SERPINB5: variants seen among roughly 807,000 people sequenced by gnomAD.
The protein encoded by SERPINB5 is serpin family B member 5, also known as serpin B5.
In SERPINB5, 27 loss-of-function variants were observed where a neutral mutation model predicts 32.2. The observed-to-expected ratio is 0.84, with a 90% CI of 0.62 to 1.16. The LOEUF (loss-of-function observed/expected upper bound fraction) is 1.16. SERPINB5 is among the 50% of genes most tolerant of loss of function. SERPINB5 has a pLI of 0.00. For synonymous variants in SERPINB5, 154 were observed against 157.4 expected (o/e 0.98, Z 0.16); for missense variants, 388 against 436.3 (o/e 0.89, Z 0.99).
intron 1 of SERPINB5, among the ~76,000 whole-genome samples, chr18:63,480,607 T>C (rs1917111929): frequency 2.0e-5 from 3 of 152,230 alleles, no homozygotes; most frequent in Non-Finnish European, 1.5e-5. Flanking sequence ...AGGTCATGTA[T>C]TGTTAACATT....
At chr18:63,499,790 C>G (rs1051802717) in intron 6 of SERPINB5, among the ~76,000 whole-genome samples, 2 of 152,026 alleles carry the variant, frequency 1.3e-5, no homozygotes, top group South Asian at 2.1e-4. Context: ...TGATGTCAAG[C>G]ATCCTCTCTC....
At chr18:63,482,736 A>T (rs1013814454) in intron 1 of SERPINB5, among the ~76,000 whole-genome samples, 1 of 150,528 alleles carries the variant, frequency 6.6e-6, no homozygotes, top group Non-Finnish European at 1.5e-5. Context: ...CTGTTTCTTT[A>T]AAAAAAATGT....
At position 63,476,963 on chromosome 18, in the gene SERPINB5, C is replaced by G. The variant is rs1343923032; in HGVS notation, c.-90C>G. On this transcript the variant is annotated 5_prime_UTR_variant, in exon 1 of 7. Coordinates refer to ENST00000382771, the MANE Select transcript of SERPINB5 (RefSeq NM_002639.5). ...AGCCACCGCTGCTTCTGCCCAGACA[C>G]GGTCGCCTCCACATCCAGGTCTTTG... The G allele has an allele frequency of 2.6e-5, 4 of 152,350 alleles. No individual in the cohort carries two copies. The highest frequency in any genetic ancestry group is 4.4e-5 in the Non-Finnish European group (3 of 68,138). The allele number at this position is 152,350 out of a possible 1,614,324, so 9.4% of individuals were successfully genotyped here.
At chr18:63,489,674 T>C (rs949589191) in intron 4 of SERPINB5, among the ~76,000 whole-genome samples, 5 of 152,240 alleles carry the variant, frequency 3.3e-5, no homozygotes, top group African/African-American at 1.2e-4. Context: ...AAACTGTTGA[T>C]GCTTCAGTGT....
At chr18:63,485,248 A>G (rs2144496074) in intron 2 of SERPINB5, among the ~76,000 whole-genome samples, 1 of 152,340 alleles carries the variant, frequency 6.6e-6, no homozygotes, top group South Asian at 2.1e-4. Flanking sequence ...ATGGTTGATT[A>G]TCTAGCTTTG....
chr18:63,501,409 T>C (rs1909569636), intron 6 of SERPINB5, among the ~76,000 whole-genome samples: 1 of 152,162 alleles, frequency 6.6e-6, no homozygotes, highest in Non-Finnish European at 1.5e-5. Flanking sequence ...TTCCATGGTG[T>C]ATATGGGCCA....
chr18:63,492,357 C>G (rs1472585569), intron 4 of SERPINB5, among the ~76,000 whole-genome samples: 1 of 152,196 alleles, frequency 6.6e-6, no homozygotes, highest in African/African-American at 2.4e-5. Context: ...GCTGAGGAAA[C>G]TAGAACAGCT....
rs1909635401 is a variant in SERPINB5, at chr18:63,504,265, A to G, written c.*543A>G. 1 of 153,336 alleles carries G rather than the reference A, an allele frequency of 6.5e-6. No homozygotes were observed. The highest frequency in any genetic ancestry group is 2.4e-5 in the African/African-American group (1 of 41,452). The allele number at this position is 153,336 out of a possible 1,614,324, so 9.5% of individuals were successfully genotyped here. On this transcript the variant is annotated 3_prime_UTR_variant, in exon 7 of 7. Coordinates refer to ENST00000382771, the MANE Select transcript of SERPINB5 (RefSeq NM_002639.5). ...AGCCCTGGCAGGCAGGTGTTTATTAAAATTCTGAATTTTGGGGATTTTCAA... is the reference window on the plus strand; with the variant it reads ...AGCCCTGGCAGGCAGGTGTTTATTAGAATTCTGAATTTTGGGGATTTTCAA...
At position 63,484,404 on chromosome 18, in the gene SERPINB5, C is replaced by T. The variant is rs779991903; in HGVS notation, c.-7-18C>T. 45 of 1,602,458 alleles carry T rather than the reference C, an allele frequency of 2.8e-5. No individual in the cohort carries two copies. Among genetic ancestry groups the T allele is most frequent in the African/African-American group, 4.0e-5 (3 of 74,530 alleles). The stretch of plus-strand genomic sequence containing the variant: ...AAGATGCTTTAGAAACTAACTGCTC[C>T]CTTGTCCTTGCTTCCAGGCCCGCAA... On this transcript the variant is annotated intron_variant, in intron 1 of 6. Coordinates refer to ENST00000382771, the MANE Select transcript of SERPINB5 (RefSeq NM_002639.5).
chr18:63,484,389 A>G, intron 1 of SERPINB5, 33 bp from the exon 2 acceptor site: 3 of 1,579,354 alleles, frequency 1.9e-6, no homozygotes, highest in Non-Finnish European at 2.6e-6. Context: ...AAGATGCTTT[A>G]GAAACTAACT....
At chr18:63,489,163 A>G (rs546781015) in intron 3 of SERPINB5, among the ~76,000 whole-genome samples, 184 bp from the exon 4 acceptor site, 41 of 152,358 alleles carry the variant, frequency 2.7e-4, no homozygotes, top group African/African-American at 9.1e-4. Context: ...TATAATTGAA[A>G]AAAATGAAAC....
chr18:63,484,746 T>A (rs1297860833), intron 2 of SERPINB5, 150 bp downstream of exon 2: 23 of 469,956 alleles, frequency 4.9e-5, no homozygotes, highest in African/African-American at 3.7e-4. Flanking sequence ...TTAATCTTTT[T>A]TTTTTTTTTT....
chr18:63,488,649 GT>G (rs1227261663), intron 3 of SERPINB5, among the ~76,000 whole-genome samples: 2 of 152,134 alleles, frequency 1.3e-5, no homozygotes, highest in African/African-American at 2.4e-5. Context: ...CACCCAGGTA[GT>G]TCTGATTGAA....
rs748205570 is a variant in SERPINB5, at chr18:63,486,927, C to T, written c.169-19C>T. The stretch of plus-strand genomic sequence containing the variant: ...CTCAGAGGCAATGCTTTTTGGGTAA[C>T]GGATTTTTCTCTTAACAGGTTCTTC... On this transcript the variant is annotated intron_variant, in intron 2 of 6. Transcript: ENST00000382771. 9.9e-6 allele frequency: 16 copies of T among 1,612,356 alleles called. No individual in the cohort carries two copies. Among genetic ancestry groups the T allele is most frequent in the Admixed American group, 8.4e-5 (5 of 59,694 alleles).
chr18:63,501,053 T>C (rs1466920733), intron 6 of SERPINB5, among the ~76,000 whole-genome samples: 1 of 152,184 alleles, frequency 6.6e-6, no homozygotes, highest in African/African-American at 2.4e-5. Context: ...TTTTCTTTTT[T>C]TTAATTATAC....
intron 1 of SERPINB5, among the ~76,000 whole-genome samples, chr18:63,481,359 A>G (rs914223839): frequency 2.0e-5 from 3 of 152,262 alleles, no homozygotes; most frequent in Non-Finnish European, 4.4e-5. Context: ...TTAAGATCTT[A>G]AACACCATCT....
chr18:63,481,437 T>C (rs1016317209), intron 1 of SERPINB5, among the ~76,000 whole-genome samples: 1 of 152,234 alleles, frequency 6.6e-6, no homozygotes, highest in Admixed American at 6.5e-5. Context: ...CTAGTTTCTC[T>C]TGGAGGATAA....
rs140384163 is a variant in SERPINB5, at chr18:63,484,559, T to A, written c.131T>A (p.Val44Glu). The A allele has an allele frequency of 3.1e-6, 5 of 1,614,010 alleles. No homozygotes were observed. In the African/African-American group the frequency reaches 6.7e-5, roughly 22 times the overall value. ...TCCACCTCTCTGTCACTTGCTCAAGTGGGTGCTAAAGGTGACACTGCAAAT... is the reference window on the plus strand; with the variant it reads ...TCCACCTCTCTGTCACTTGCTCAAGAGGGTGCTAAAGGTGACACTGCAAAT... ...CLSTSLSLAQVGAKGDTANEI... is the reference protein window; with the variant it reads ...CLSTSLSLAQEGAKGDTANEI... The change falls in exon 2 of 7, where the codon GTG becomes GAG. Residue 44 changes from valine to glutamate, a missense_variant. By Grantham distance (121) the Val-to-Glu change is moderately radical (BLOSUM62 -2). Coordinates refer to ENST00000382771, the MANE Select transcript of SERPINB5 (RefSeq NM_002639.5).
At chr18:63,490,013 A>G (rs1909289173) in intron 4 of SERPINB5, among the ~76,000 whole-genome samples, 1 of 152,136 alleles carries the variant, frequency 6.6e-6, no homozygotes. Flanking sequence ...TAACACGGTG[A>G]AACCCTGTCT....
Sources: allele counts gnomAD v4.1 joint callset (sites outside exome capture counted in the v4.1 genomes callset), GRCh38; gene constraint gnomAD v4.1.1; transcripts MANE v1.5; gene names NCBI Gene and HGNC (gene_info 2026-07-23, HGNC 2026-07-21).